The following ZNF75A variants were observed in gnomAD, a reference collection of about 807,000 sequenced individuals.
ZNF75A encodes the protein zinc finger protein 75A.
Under a neutral mutation model 46.3 loss-of-function variants are expected in ZNF75A, and 36 were observed. That is an observed-to-expected ratio of 0.78 (90% CI 0.60 to 1.03). The LOEUF (loss-of-function observed/expected upper bound fraction) is 1.03, where lower values mean the gene tolerates loss of function less well. Among genes scored for constraint, ZNF75A ranks in the 50% least tolerant of loss-of-function variants. The pLI is 0.00. For missense variants in ZNF75A, 595 were observed against 551.3 expected (o/e 1.08, Z -0.79); for synonymous variants, 234 against 189.9 (o/e 1.23, Z -1.91).
At chr16:3,318,859 G>A, downstream of ZNF75A, 1 of 984,658 alleles carries the variant, frequency 1.0e-6, no homozygotes, top group African/African-American at 1.7e-5. Flanking sequence ...GGTGCTAAGT[G>A]TTGGGCGAGG....
rs74003369 is a variant in ZNF75A, at chr16:3,314,799, G to A, written c.823+1624G>A. 7.6e-3 allele frequency: 7,455 copies of A among 985,354 alleles called. 434 individuals carry two copies. In the African/African-American group the frequency reaches 0.12, roughly 16 times the overall value. The allele number at this position is 985,354 out of a possible 1,614,324, so 61.0% of individuals were successfully genotyped here. On this transcript the variant is annotated intron_variant, in intron 5 of 6. Coordinates refer to ENST00000669516, the MANE Select transcript of ZNF75A (RefSeq NM_001302109.2). Reference sequence around the variant, plus strand: ...TATATTTTTCTCAGGAAGAATTGGAGTTACTGGATTACACTCAGAAGGCCC... The same window carrying A: ...TATATTTTTCTCAGGAAGAATTGGAATTACTGGATTACACTCAGAAGGCCC...
chr16:3,311,437 C>CAAAA (rs60757185), intron 2 of ZNF75A, among the ~76,000 whole-genome samples: 2 of 112,226 alleles, frequency 1.8e-5, no homozygotes, highest in Non-Finnish European at 3.9e-5. Flanking sequence ...AAACTCATCT[C>CAAAA]AAAAAAAAAA....
At chr16:3,319,771 C>T (rs1488645566), downstream of ZNF75A, among the ~76,000 whole-genome samples, 1 of 150,276 alleles carries the variant, frequency 6.7e-6, no homozygotes, top group Non-Finnish European at 1.5e-5. Flanking sequence ...GAGCCTCTGG[C>T]TGAAGCTTTT....
chr16:3,311,088 C>G (rs1200590182), intron 2 of ZNF75A: 1 of 411,998 alleles, frequency 2.4e-6, no homozygotes, highest in African/African-American at 2.2e-5. Context: ...AGACAGAAAA[C>G]CACAACTGTG....
intron 5 of ZNF75A, chr16:3,315,074 A>C: frequency 1.0e-6 from 1 of 984,982 alleles, no homozygotes; most frequent in Non-Finnish European, 1.2e-6. Context: ...TCCTACGTGG[A>C]GATCTTGATC....
intron 1 of ZNF75A, chr16:3,307,873 G>A (rs755578300): frequency 5.3e-5 from 8 of 152,108 alleles, no homozygotes; most frequent in Admixed American, 5.2e-4. Flanking sequence ...ACAAGAGGAT[G>A]AAGGGTCATA....
chr16:3,317,180 A>G lies in ZNF75A; in HGVS notation c.935-10A>G. On this transcript the variant is annotated splice_polypyrimidine_tract_variant and intron_variant, in intron 6 of 6. Transcript: ENST00000669516. ...GGGATACAGATGTGTGATTATGTTT[A>G]TTCCAACAGGGTTAAAGCTCAAAAA... 6.3e-7 allele frequency: 1 copy of G among 1,597,778 alleles called. No individual in the cohort carries two copies. Among genetic ancestry groups the G allele is most frequent in the Non-Finnish European group, 8.5e-7 (1 of 1,172,938 alleles).
downstream of ZNF75A, among the ~76,000 whole-genome samples, chr16:3,321,937 G>A (rs1337309630): frequency 1.3e-5 from 2 of 152,172 alleles, no homozygotes; most frequent in African/African-American, 2.4e-5. Context: ...TTATCCAAAT[G>A]GACAATTGGT....
chr16:3,310,847 C>T, intron 2 of ZNF75A: 1 of 985,470 alleles, frequency 1.0e-6, no homozygotes, highest in Non-Finnish European at 1.2e-6. Context: ...AGTTGGGAGC[C>T]AGGGTATGAA....
chr16:3,316,902 C>A lies in ZNF75A; in HGVS notation c.824-10C>A. The A allele has an allele frequency of 6.3e-7, 1 of 1,598,280 alleles. No homozygotes were observed. ...TACCAGTCCTTGACCTCATTTTGTC[C>A]ATTTGACAGCATTGTTTGTGCTCCC... On this transcript the variant is annotated splice_polypyrimidine_tract_variant and intron_variant, in intron 5 of 6. Coordinates refer to ENST00000669516, the MANE Select transcript of ZNF75A (RefSeq NM_001302109.2).
chr16:3,317,300 C>G lies in ZNF75A; in HGVS notation c.1045C>G (p.Gln349Glu). 6.2e-7 allele frequency: 1 copy of G among 1,613,904 alleles called. No individual in the cohort carries two copies. The highest frequency in any genetic ancestry group is 1.3e-5 in the African/African-American group (1 of 74,978). ...ISKKAKVKVP[Q>E]KTAGKENHFD... ...AAAAAAGGCCAAAGTAAAAGTTCCC[C>G]AGAAAACAGCAGGCAAAGAAAATCA... is the stretch of plus-strand genomic sequence containing the variant. Residue 349 changes from glutamine (Q) to glutamate (E), a missense_variant, in exon 7 of 7, where the codon CAG becomes GAG. Transcript: ENST00000669516.
downstream of ZNF75A, chr16:3,323,082 C>T: frequency 2.0e-6 from 1 of 502,430 alleles, no homozygotes; most frequent in South Asian, 2.6e-5. Flanking sequence ...GAAGATAAAG[C>T]AGGAAATAGT....
At chr16:3,319,341 C>T (rs1038936787), downstream of ZNF75A, among the ~76,000 whole-genome samples, 3 of 152,142 alleles carry the variant, frequency 2.0e-5, no homozygotes, top group African/African-American at 7.2e-5. Flanking sequence ...TCTCGAACTC[C>T]TGACCTCAAG....
At chr16:3,316,043 T>G (rs139477516) in intron 5 of ZNF75A, 5 of 152,354 alleles carry the variant, frequency 3.3e-5, no homozygotes, top group African/African-American at 1.2e-4. Context: ...AGTATTACTT[T>G]CTCAAAGAGG....
At chr16:3,316,700 C>T in intron 5 of ZNF75A, 1 of 403,308 alleles carries the variant, frequency 2.5e-6, no homozygotes. Flanking sequence ...TTCATTGATC[C>T]ACCGTAGATT....
At chr16:3,313,908 C>T (rs1427501447) in intron 5 of ZNF75A, among the ~76,000 whole-genome samples, 1 of 152,158 alleles carries the variant, frequency 6.6e-6, no homozygotes, top group African/African-American at 2.4e-5. Flanking sequence ...CTTAGCTAGT[C>T]TCCTTGCTGT....
At chr16:3,319,367 G>A (rs1017354883), downstream of ZNF75A, among the ~76,000 whole-genome samples, 26 of 152,014 alleles carry the variant, frequency 1.7e-4, no homozygotes, top group Admixed American at 6.6e-4. Context: ...CACCCGCCTC[G>A]GCCTCCCAAA....
downstream of ZNF75A, chr16:3,322,949 C>T (rs1380951368): frequency 1.9e-5 from 19 of 984,932 alleles, no homozygotes; most frequent in South Asian, 5.2e-4. Context: ...CTACTTCCGC[C>T]GACAAGGAGG....
chr16:3,313,189 C>T lies in ZNF75A; in HGVS notation c.823+14C>T, dbSNP rs1960941119. ...TCATCTCTCTAGGTAAAGATTTTCC[C>T]TTCCCTTTATGTAGTTGAGTACTCT... On this transcript the variant is annotated intron_variant, in intron 5 of 6. Transcript: ENST00000669516. 16 of 1,612,318 alleles carry T rather than the reference C, an allele frequency of 9.9e-6. No individual in the cohort carries two copies. The highest frequency in any genetic ancestry group is 1.3e-5 in the Non-Finnish European group (15 of 1,179,194).
Sources: gnomAD v4.1 joint callset for allele counts (sites outside exome capture counted in the v4.1 genomes callset) on GRCh38, gnomAD v4.1.1 for gene constraint, MANE v1.5 for transcripts, NCBI Gene and HGNC (gene_info 2026-07-23, HGNC 2026-07-21) for gene names.